CAPSL: variants seen among roughly 807,000 people sequenced by gnomAD.
CAPSL encodes the protein calcyphosine like.
Under a neutral mutation model 21.3 loss-of-function variants are expected in CAPSL, and 17 were observed. The observed-to-expected ratio is 0.80, with a 90% confidence interval of 0.55 to 1.20. The LOEUF is 1.20. Ranked by LOEUF, CAPSL falls within the 50% of genes most tolerant of loss-of-function variation. The pLI is 0.00. For synonymous variants in CAPSL, 102 were observed against 89.3 expected, an observed-to-expected ratio of 1.14 and a Z score of -0.80; for missense variants, 289 against 259.3, an observed-to-expected ratio of 1.11 and a Z score of -0.79.
intron 1 of CAPSL, among the ~76,000 whole-genome samples, chr5:35,929,097 C>A (rs1292700686): frequency 6.6e-6 from 1 of 152,046 alleles, no homozygotes; most frequent in Non-Finnish European, 1.5e-5. Context: ...ACAGTTGTAA[C>A]TATGCTGGGG....
chr5:35,921,134 A>G lies in CAPSL; in HGVS notation c.1-14T>C. On this transcript the variant is annotated splice_polypyrimidine_tract_variant and intron_variant, in intron 1 of 4. Coordinates refer to ENST00000651391, the MANE Select transcript of CAPSL (RefSeq NM_001042625.2). ...TGTCCCTGCCATCTGAGGGGAAGCCATAGCATGTTAGCAAAGTCCAGGCCT... is the reference window on the plus strand; with the variant it reads ...TGTCCCTGCCATCTGAGGGGAAGCCGTAGCATGTTAGCAAAGTCCAGGCCT... The G allele has an allele frequency of 6.2e-7, 1 of 1,613,286 alleles. No homozygotes were observed. Among genetic ancestry groups the G allele is most frequent in the South Asian group, 1.1e-5 (1 of 91,028 alleles).
chr5:35,926,486 G>A (rs1738687874), intron 1 of CAPSL, among the ~76,000 whole-genome samples: 1 of 152,088 alleles, frequency 6.6e-6, no homozygotes, highest in Admixed American at 6.5e-5. Context: ...CCTGGATTTT[G>A]CGAATTATTG....
At chr5:35,905,585 A>T (rs938254898) in intron 4 of CAPSL, among the ~76,000 whole-genome samples, 3 of 152,244 alleles carry the variant, frequency 2.0e-5, no homozygotes, top group African/African-American at 4.8e-5. Context: ...CTGTAAATAC[A>T]CATCTACAAT....
chr5:35,910,597 G>A (rs1738195621), intron 2 of CAPSL, 54 bp from the exon 3 acceptor site: 1 of 1,314,794 alleles, frequency 7.6e-7, no homozygotes, highest in Non-Finnish European at 1.0e-6. Context: ...ACAGGTGTAA[G>A]TGTAAAGATT....
intron 2 of CAPSL, among the ~76,000 whole-genome samples, chr5:35,919,160 T>TAA (rs34779853): frequency 0.014 from 1,859 of 129,146 alleles, 42 homozygotes; most frequent in African/African-American, 0.044. Context: ...CTTTCCTGAT[T>TAA]AAAAAAAAAA....
chr5:35,928,741 C>CTGCACAAGA (rs1358051718), intron 1 of CAPSL, among the ~76,000 whole-genome samples: 2 of 152,132 alleles, frequency 1.3e-5, no homozygotes, highest in Non-Finnish European at 2.9e-5. Context: ...GCTACACATT[C>CTGCACAAGA]TGCACAAGAT....
chr5:35,925,522 G>C (rs1396731184), intron 1 of CAPSL, among the ~76,000 whole-genome samples: 1 of 152,100 alleles, frequency 6.6e-6, no homozygotes. Context: ...CAGTAGTGAA[G>C]ATTCGGAGGA....
chr5:35,910,695 G>A (rs530817355), intron 2 of CAPSL, 152 bp from the exon 3 acceptor site: 14 of 563,988 alleles, frequency 2.5e-5, no homozygotes, highest in Non-Finnish European at 3.7e-5. Flanking sequence ...AAACTGGAGA[G>A]CCTCTTCCCA....
At chr5:35,920,696 G>C (rs949750522) in intron 2 of CAPSL, among the ~76,000 whole-genome samples, 2 of 152,104 alleles carry the variant, frequency 1.3e-5, no homozygotes, top group Non-Finnish European at 2.9e-5. Flanking sequence ...CATTGTCCTG[G>C]TAGGCATCTC....
At chr5:35,934,623 T>C (rs6878838) in intron 1 of CAPSL, among the ~76,000 whole-genome samples, 1,541 of 152,292 alleles carry the variant, frequency 0.01, 38 homozygotes, top group African/African-American at 0.035. Context: ...GCCACAGTTT[T>C]TCAGTGACCA....
intron 4 of CAPSL, among the ~76,000 whole-genome samples, chr5:35,906,437 C>T (rs1760681565): frequency 6.6e-6 from 1 of 152,072 alleles, no homozygotes; most frequent in Non-Finnish European, 1.5e-5. Context: ...CTAGGGAAGC[C>T]TTTGCTTTCC....
At chr5:35,919,591 A>C (rs16902592) in intron 2 of CAPSL, among the ~76,000 whole-genome samples, 3,328 of 152,282 alleles carry the variant, frequency 0.022, 119 homozygotes, top group African/African-American at 0.076. Context: ...CTTCTAAGAC[A>C]GGATTTATGG....
chr5:35,907,898 T>C (rs1468132365), intron 4 of CAPSL, among the ~76,000 whole-genome samples: 1 of 152,224 alleles, frequency 6.6e-6, no homozygotes, highest in African/African-American at 2.4e-5. Flanking sequence ...GAATTTACCA[T>C]GGAGTTCCTC....
chr5:35,913,945 T>C (rs911264491), intron 2 of CAPSL, among the ~76,000 whole-genome samples: 1 of 152,158 alleles, frequency 6.6e-6, no homozygotes, highest in African/African-American at 2.4e-5. Context: ...CCCATCAGTG[T>C]GCTGTATTCA....
At chr5:35,908,833 TTGCTAATGA>T (rs1272062457) in intron 4 of CAPSL, among the ~76,000 whole-genome samples, 2 of 152,196 alleles carry the variant, frequency 1.3e-5, no homozygotes, top group African/African-American at 4.8e-5. Flanking sequence ...CCCCCACCCC[TTGCTAATGA>T]GACTCATCAT....
chr5:35,915,389 C>T (rs182439581), intron 2 of CAPSL, among the ~76,000 whole-genome samples: 129 of 152,252 alleles, frequency 8.5e-4, no homozygotes, highest in African/African-American at 2.9e-3. Flanking sequence ...ATACCACAGC[C>T]GGACAGAGAC....
rs542044475 is a variant in CAPSL at position 35,932,461 on chromosome 5, G to A, written c.-1+6080C>T. On this transcript the variant is annotated intron_variant, in intron 1 of 4. Coordinates refer to ENST00000651391, the MANE Select transcript of CAPSL (RefSeq NM_001042625.2). ...AGGCAAGAAGGATGCTCTTCCCAGC[G>A]AAATCAGCTCTTTCTGAAGTGGTTC... Among the ~76,000 whole-genome samples, 6 of 152,240 alleles carry A rather than the reference G, an allele frequency of 3.9e-5. 1 individual carries two copies. Among genetic ancestry groups the A allele is most frequent in the African/African-American group, 4.8e-5 (2 of 41,550 alleles).
At chr5:35,925,115 C>A (rs891705567) in intron 1 of CAPSL, among the ~76,000 whole-genome samples, 1 of 152,262 alleles carries the variant, frequency 6.6e-6, no homozygotes, top group Non-Finnish European at 1.5e-5. Context: ...GCACATTCCC[C>A]CGGCCAGGCA....
intron 1 of CAPSL, among the ~76,000 whole-genome samples, chr5:35,938,147 G>A (rs1390603187): frequency 2.0e-5 from 3 of 152,192 alleles, no homozygotes; most frequent in South Asian, 4.1e-4. Context: ...TTATTGCTTT[G>A]TGACTTGGAA....
Sources: allele counts gnomAD v4.1 joint callset (sites outside exome capture counted in the v4.1 genomes callset), GRCh38; gene constraint gnomAD v4.1.1; transcripts MANE v1.5; gene names NCBI Gene and HGNC (gene_info 2026-07-23, HGNC 2026-07-21).